SRD5A2: variants seen among roughly 807,000 people sequenced by gnomAD.
SRD5A2 encodes 3-oxo-5-alpha-steroid 4-dehydrogenase 2.
A neutral mutation model predicts 27.4 loss-of-function variants in SRD5A2; 30 were observed. The observed-to-expected ratio is 1.10, with a 90% confidence interval of 0.82 to 1.49. SRD5A2 has a LOEUF of 1.49. SRD5A2 is among the 40% of genes most tolerant of loss of function. The pLI, the probability that SRD5A2 is intolerant of heterozygous loss-of-function variation, is 0.00. For missense variants in SRD5A2, 348 were observed against 323.4 expected (o/e 1.08, Z -0.58); for synonymous variants, 141 against 133.6 (o/e 1.06, Z -0.38).
the SRD5A2 span, among the ~76,000 whole-genome samples, chr2:31,655,986 A>C: frequency 6.6e-6 from 1 of 152,206 alleles, no homozygotes; most frequent in Admixed American, 6.5e-5. Context: ...TGAGAGAGGA[A>C]GGTGAAAGTA....
At chr2:31,555,400 G>T (rs1205839645) in intron 1 of SRD5A2, among the ~76,000 whole-genome samples, 2 of 152,116 alleles carry the variant, frequency 1.3e-5, no homozygotes, top group Non-Finnish European at 2.9e-5. Flanking sequence ...ACAGGAAGGG[G>T]TGCTATCACA....
chr2:31,601,924 A>T, the SRD5A2 span, among the ~76,000 whole-genome samples: 1 of 152,164 alleles, frequency 6.6e-6, no homozygotes, highest in Non-Finnish European at 1.5e-5. Flanking sequence ...AATAGGAGCC[A>T]TATATGACAA....
chr2:31,565,022 G>T (rs1382185782), intron 1 of SRD5A2, among the ~76,000 whole-genome samples: 2 of 151,778 alleles, frequency 1.3e-5, no homozygotes. Context: ...ATAAGTTGAG[G>T]CTTTTATAGC....
intron 1 of SRD5A2, among the ~76,000 whole-genome samples, chr2:31,571,250 T>A (rs1276164899): frequency 6.6e-6 from 1 of 152,082 alleles, no homozygotes; most frequent in African/African-American, 2.4e-5. Context: ...TTAATACAGT[T>A]GACAAAAGCA....
chr2:31,648,260 A>G, the SRD5A2 span, among the ~76,000 whole-genome samples: 1 of 152,244 alleles, frequency 6.6e-6, no homozygotes, highest in East Asian at 1.9e-4. Flanking sequence ...TAAAATACTC[A>G]TTTTGGGAAC....
chr2:31,649,155 CTA>C, the SRD5A2 span, among the ~76,000 whole-genome samples: 8 of 152,178 alleles, frequency 5.3e-5, no homozygotes, highest in Non-Finnish European at 8.8e-5. Context: ...GTTAGCAGTG[CTA>C]TGTTTCCCAC....
intron 1 of SRD5A2, among the ~76,000 whole-genome samples, chr2:31,538,458 G>A (rs998521062): frequency 1.3e-5 from 2 of 152,076 alleles, no homozygotes; most frequent in African/African-American, 2.4e-5. Flanking sequence ...CCTCTCCCGG[G>A]TATTTGTAAA....
At chr2:31,633,957 T>A in the SRD5A2 span, among the ~76,000 whole-genome samples, 1 of 152,326 alleles carries the variant, frequency 6.6e-6, no homozygotes, top group South Asian at 2.1e-4. Flanking sequence ...AAAAAAATTT[T>A]TTTAAATGCT....
chr2:31,562,349 T>C (rs1666642113), intron 1 of SRD5A2, among the ~76,000 whole-genome samples: 1 of 152,092 alleles, frequency 6.6e-6, no homozygotes, highest in African/African-American at 2.4e-5. Flanking sequence ...AAATGGGGTA[T>C]CCACCACCTC....
chr2:31,531,137 T>A (rs1430556202), intron 3 of SRD5A2, among the ~76,000 whole-genome samples: 1 of 152,216 alleles, frequency 6.6e-6, no homozygotes, highest in Non-Finnish European at 1.5e-5. Flanking sequence ...ACCTTCCGGG[T>A]ATTGCGGTCT....
the SRD5A2 span, among the ~76,000 whole-genome samples, chr2:31,646,511 C>T: frequency 6.6e-6 from 1 of 152,034 alleles, no homozygotes; most frequent in African/African-American, 2.4e-5. Flanking sequence ...ACGACATGTC[C>T]CATGAGAGGC....
the SRD5A2 span, among the ~76,000 whole-genome samples, chr2:31,658,185 A>T: frequency 1.3e-5 from 2 of 152,180 alleles, no homozygotes; most frequent in Admixed American, 6.5e-5. Context: ...AAATGAAAAC[A>T]AAGAAACAAC....
At chr2:31,658,377 A>G in the SRD5A2 span, among the ~76,000 whole-genome samples, 3 of 152,112 alleles carry the variant, frequency 2.0e-5, no homozygotes, top group Non-Finnish European at 4.4e-5. Context: ...AACTAAAATC[A>G]GAGCTGACCT....
chr2:31,543,884 C>T (rs939391043), intron 1 of SRD5A2, among the ~76,000 whole-genome samples: 6 of 151,888 alleles, frequency 4.0e-5, no homozygotes, highest in Admixed American at 3.9e-4. Flanking sequence ...AACTCTTCAA[C>T]CAATATAGAT....
At chr2:31,649,547 T>C in the SRD5A2 span, among the ~76,000 whole-genome samples, 1 of 152,146 alleles carries the variant, frequency 6.6e-6, no homozygotes, top group South Asian at 2.1e-4. Flanking sequence ...TTACTCCATA[T>C]TCAAAATTAT....
chr2:31,646,187 A>G, the SRD5A2 span, among the ~76,000 whole-genome samples: 101,134 of 151,972 alleles, frequency 0.67, 33,870 homozygotes, highest in Middle Eastern at 0.72. Flanking sequence ...ACACGCACAC[A>G]CACACAGTTA....
the SRD5A2 span, among the ~76,000 whole-genome samples, chr2:31,632,500 G>C: frequency 6.6e-6 from 1 of 152,218 alleles, no homozygotes; most frequent in Non-Finnish European, 1.5e-5. Flanking sequence ...TTCAGCAGCA[G>C]GACTGAGGGT....
the SRD5A2 span, among the ~76,000 whole-genome samples, chr2:31,625,226 ATTTG>A: frequency 3.9e-5 from 6 of 152,166 alleles, no homozygotes; most frequent in African/African-American, 1.4e-4. Context: ...TTTCTTGTAA[ATTTG>A]TTTAAGTTCT....
At chr2:31,609,095 T>C in the SRD5A2 span, among the ~76,000 whole-genome samples, 1 of 152,078 alleles carries the variant, frequency 6.6e-6, no homozygotes, top group Non-Finnish European at 1.5e-5. Flanking sequence ...CACCAGACAT[T>C]GAGTCCACTG....
Sources: gnomAD v4.1 joint callset for allele counts (sites outside exome capture counted in the v4.1 genomes callset) on GRCh38, gnomAD v4.1.1 for gene constraint, MANE v1.5 for transcripts, NCBI Gene and HGNC (gene_info 2026-07-23, HGNC 2026-07-21) for gene names.